The following MAGI2 variants were observed in gnomAD, a reference collection of about 807,000 sequenced individuals.
MAGI2 encodes membrane associated guanylate kinase, WW and PDZ domain containing 2, also known as membrane-associated guanylate kinase, WW and PDZ domain-containing protein 2.
MAGI2 carries 35 observed loss-of-function variants against 133.3 expected under a neutral mutation model. That is an observed-to-expected ratio of 0.26 (90% CI 0.20 to 0.35). The LOEUF (loss-of-function observed/expected upper bound fraction) is 0.35, where lower values mean the gene tolerates loss of function less well. Among genes scored for constraint, MAGI2 ranks in the 10% least tolerant of loss-of-function variants. MAGI2 has a pLI of 1.00. For synonymous variants in MAGI2, 729 were observed against 710.6 expected (o/e 1.03, Z -0.41); for missense variants, 1,636 against 1,863.4 (o/e 0.88, Z 2.25).
Position 79,251,664 on chromosome 7 carries a change from A to G in MAGI2, c.301+201356T>C, listed in dbSNP as rs142879657. Among the ~76,000 whole-genome samples, 237 of 152,318 alleles carry G rather than the reference A, an allele frequency of 1.6e-3. 8 individuals carry two copies. The East Asian group carries it at 0.04, about 25-fold the overall frequency. The stretch of plus-strand genomic sequence containing the variant: ...ATGTAAATTAATACAATCACTATAG[A>G]GAATAGTTTGGAGGTTCATCAAAAA... On this transcript the variant is annotated intron_variant, in intron 1 of 21. Transcript: ENST00000354212.
intron 2 of MAGI2, among the ~76,000 whole-genome samples, chr7:78,869,205 TGTGCAGAAGCTTTTTA>T (rs917881576): frequency 1.3e-5 from 2 of 152,242 alleles, no homozygotes; most frequent in African/African-American, 4.8e-5. Flanking sequence ...TTTATTTTGC[TGTGCAGAAGCTTTTTA>T]GTTTAATTGG....
chr7:78,869,784 C>T (rs1388822613), intron 2 of MAGI2, among the ~76,000 whole-genome samples: 1 of 152,182 alleles, frequency 6.6e-6, no homozygotes, highest in Non-Finnish European at 1.5e-5. Flanking sequence ...AGGTTCCTCC[C>T]TCAACACCTG....
intron 2 of MAGI2, among the ~76,000 whole-genome samples, chr7:78,634,055 A>T (rs1429072954): frequency 1.3e-5 from 2 of 152,198 alleles, no homozygotes; most frequent in Admixed American, 1.3e-4. Flanking sequence ...AAATCACTTA[A>T]CTTCACTCAG....
chr7:78,522,942 C>T (rs959151692), intron 3 of MAGI2, among the ~76,000 whole-genome samples: 41 of 152,066 alleles, frequency 2.7e-4, no homozygotes, highest in African/African-American at 9.9e-4. Context: ...TCCTTGTCTT[C>T]CAAGATGCTC....
intron 9 of MAGI2, among the ~76,000 whole-genome samples, chr7:78,313,061 T>C (rs1009318738): frequency 3.3e-5 from 5 of 151,922 alleles, no homozygotes; most frequent in African/African-American, 1.2e-4. Context: ...TGCAGTGACA[T>C]GGATGGAACT....
In MAGI2 at chr7:78,555,170, A is replaced by AAATAAATAAATGAATG. The variant is rs1163688347; in HGVS notation, c.539-33526_539-33525insCATTCATTTATTTATT. The stretch of plus-strand genomic sequence containing the variant: ...TAAATAAATAAATAAATAAATAAAT[A>AAATAAATAAATGAATG]AATGAATGATAGAGGACGGTTGGAT... On this transcript the variant is annotated intron_variant, in intron 3 of 21. Transcript: ENST00000354212. 8.5e-4 allele frequency among the ~76,000 whole-genome samples: 56 copies of AAATAAATAAATGAATG among 66,206 alleles called. 1 individual carries two copies. The highest frequency in any genetic ancestry group is 1.7e-3 in the African/African-American group (55 of 32,758). 43.4% of individuals were successfully genotyped at this position (66,206 alleles called of 152,430 possible).
intron 3 of MAGI2, among the ~76,000 whole-genome samples, chr7:78,527,199 G>A (rs917850113): frequency 5.3e-5 from 8 of 152,156 alleles, no homozygotes; most frequent in South Asian, 2.1e-4. Context: ...AGCTAAACCT[G>A]CCAGGCAAAG....
At chr7:78,934,391 A>G (rs1048552578) in intron 2 of MAGI2, among the ~76,000 whole-genome samples, 3 of 152,116 alleles carry the variant, frequency 2.0e-5, no homozygotes, top group African/African-American at 7.2e-5. Flanking sequence ...GGCCTGAGCT[A>G]CCGTGCCCGG....
chr7:78,502,348 T>C lies in MAGI2; in HGVS notation c.755-561A>G, dbSNP rs188904908. ...TGGCTTAGAAGACAGAAAATGACCA[T>C]AGACCAAGAAATATTAGTGGCCTCT... On this transcript the variant is annotated intron_variant, in intron 4 of 21. Coordinates refer to ENST00000354212, the MANE Select transcript of MAGI2 (RefSeq NM_012301.4). Among the ~76,000 whole-genome samples, 204 of 152,264 alleles carry C rather than the reference T, an allele frequency of 1.3e-3. 1 individual carries two copies. Among genetic ancestry groups the C allele is most frequent in the Non-Finnish European group, 2.4e-3 (163 of 68,014 alleles).
chr7:78,376,574 C>T (rs1344655796), intron 6 of MAGI2, among the ~76,000 whole-genome samples: 2 of 151,932 alleles, frequency 1.3e-5, no homozygotes. Context: ...GATGTGATTG[C>T]AGAGAAAATT....
At chr7:78,580,774 T>C (rs1288696016) in intron 3 of MAGI2, among the ~76,000 whole-genome samples, 3 of 152,156 alleles carry the variant, frequency 2.0e-5, no homozygotes, top group African/African-American at 4.8e-5. Flanking sequence ...TATCCAACAT[T>C]TGATGAGGAC....
chr7:79,332,813 C>T (rs1413421476), intron 1 of MAGI2, among the ~76,000 whole-genome samples: 1 of 152,170 alleles, frequency 6.6e-6, no homozygotes, highest in African/African-American at 2.4e-5. Flanking sequence ...ATTTTACATT[C>T]ATCATACCCA....
intron 10 of MAGI2, among the ~76,000 whole-genome samples, chr7:78,244,363 T>C (rs1791532674): frequency 6.6e-6 from 1 of 151,534 alleles, no homozygotes; most frequent in South Asian, 2.1e-4. Context: ...AGACAGAAAC[T>C]CTAAAAAAAA....
chr7:78,727,605 A>G (rs1411798540), intron 2 of MAGI2, among the ~76,000 whole-genome samples: 2 of 152,182 alleles, frequency 1.3e-5, no homozygotes, highest in African/African-American at 2.4e-5. Flanking sequence ...AAGTATATAC[A>G]TCAAATATGG....
intron 2 of MAGI2, among the ~76,000 whole-genome samples, chr7:78,714,984 A>G (rs1034415958): frequency 5.9e-5 from 9 of 152,182 alleles, no homozygotes; most frequent in African/African-American, 2.2e-4. Context: ...CCTTATAAAC[A>G]TTCCCTAATA....
chr7:78,615,182 T>C (rs1254108112), intron 3 of MAGI2: 3 of 152,216 alleles, frequency 2.0e-5, no homozygotes, highest in Non-Finnish European at 2.9e-5. Flanking sequence ...TTTAATGGTT[T>C]GCTGCTACAC....
intron 1 of MAGI2, among the ~76,000 whole-genome samples, chr7:79,107,872 A>G (rs551684426): frequency 1.3e-5 from 2 of 152,232 alleles, no homozygotes; most frequent in Non-Finnish European, 2.9e-5. Context: ...ATATTCTATT[A>G]TAAAAATTCA....
chr7:79,214,897 A>G (rs1829893915), intron 1 of MAGI2, among the ~76,000 whole-genome samples: 1 of 145,858 alleles, frequency 6.9e-6, no homozygotes. Flanking sequence ...AAATTTATAA[A>G]TTTATAAATA....
chr7:78,822,660 A>G (rs1348146092), intron 2 of MAGI2, among the ~76,000 whole-genome samples: 2 of 152,188 alleles, frequency 1.3e-5, no homozygotes, highest in African/African-American at 2.4e-5. Flanking sequence ...ATGACAATAT[A>G]AGGGTAGGTA....
Sources: gnomAD v4.1 joint callset for allele counts (sites outside exome capture counted in the v4.1 genomes callset) on GRCh38, gnomAD v4.1.1 for gene constraint, MANE v1.5 for transcripts, NCBI Gene and HGNC (gene_info 2026-07-23, HGNC 2026-07-21) for gene names.